The following DPYS variants were observed in gnomAD, a reference collection of about 807,000 sequenced individuals.
The protein encoded by DPYS is dihydropyrimidine amidohydrolase.
DPYS carries 39 observed loss-of-function variants against 50.3 expected under a neutral mutation model. The ratio of observed to expected loss-of-function variants is 0.78; its 90% CI spans 0.60 to 1.01. The LOEUF is 1.01. DPYS is among the 50% of genes least tolerant of loss of function. The probability of loss-of-function intolerance (pLI) is 0.00; values close to 1 mark genes in which losing one functional copy is unlikely to be tolerated. For missense variants in DPYS, 659 were observed against 680.9 expected (o/e 0.97, Z 0.36); for synonymous variants, 245 against 250.7 (o/e 0.98, Z 0.22).
intron 7 of DPYS, among the ~76,000 whole-genome samples, chr8:104,399,663 A>G (rs1811722925): frequency 6.6e-6 from 1 of 151,650 alleles, no homozygotes; most frequent in Admixed American, 6.6e-5. Context: ...AGATCAGGAG[A>G]TTGAGACCAT....
In DPYS at chr8:104,403,259, G is replaced by A. The variant is rs146857100; in HGVS notation, c.1236-10268C>T. Reference sequence around the variant, plus strand: ...GGTATTCCTGCACAGCTGAGTGCCCGGGTTCACCCTAATCAAGCTGAACAC... The same window carrying A: ...GGTATTCCTGCACAGCTGAGTGCCCAGGTTCACCCTAATCAAGCTGAACAC... On this transcript the variant is annotated intron_variant, in intron 7 of 9. Transcript: ENST00000351513. 2.5e-3 allele frequency among the ~76,000 whole-genome samples: 384 copies of A among 152,222 alleles called. 1 individual carries two copies. The highest frequency in any genetic ancestry group is 8.7e-3 in the African/African-American group (362 of 41,546).
intron 7 of DPYS, among the ~76,000 whole-genome samples, chr8:104,399,360 C>G (rs1307658804): frequency 6.7e-6 from 1 of 148,868 alleles, no homozygotes; most frequent in Non-Finnish European, 1.5e-5. Context: ...CTAAGATATT[C>G]AGCCAATGGA....
intron 4 of DPYS, among the ~76,000 whole-genome samples, chr8:104,433,266 T>C (rs751964840): frequency 2.6e-5 from 4 of 152,160 alleles, no homozygotes; most frequent in South Asian, 2.1e-4. Context: ...ACGGCAGCCA[T>C]AGAAAATTCA....
intron 1 of DPYS, among the ~76,000 whole-genome samples, chr8:104,452,506 A>T (rs1813780281): frequency 6.6e-6 from 1 of 152,168 alleles, no homozygotes; most frequent in Non-Finnish European, 1.5e-5. Context: ...AATTGTACCT[A>T]AACCATAGGC....
At chr8:104,416,894 G>A (rs974451677) in intron 7 of DPYS, among the ~76,000 whole-genome samples, 1 of 151,994 alleles carries the variant, frequency 6.6e-6, no homozygotes, top group African/African-American at 2.4e-5. Flanking sequence ...TACTACCCAA[G>A]GATGACAGTC....
rs1812790642 is a variant in DPYS, at chr8:104,427,974, A to G, written c.1092+6T>C. The G allele has an allele frequency of 6.2e-7, 1 of 1,613,856 alleles. No individual in the cohort carries two copies. Among genetic ancestry groups the G allele is most frequent in the Admixed American group, 1.7e-5 (1 of 59,980 alleles). On this transcript the variant is annotated splice_donor_region_variant and intron_variant, in intron 6 of 9. Coordinates refer to ENST00000351513, the MANE Select transcript of DPYS (RefSeq NM_001385.3). ...GCAAAGCAAGGCTGGAACCTGTGAA[A>G]CCCACCACGCCTTTTTCCCATATTA... is the stretch of plus-strand genomic sequence containing the variant.
intron 1 of DPYS, among the ~76,000 whole-genome samples, chr8:104,457,721 T>C (rs1484280092): frequency 6.6e-6 from 1 of 152,224 alleles, no homozygotes. Context: ...ACAAGTTTCA[T>C]GGTCCCAACG....
intron 8 of DPYS, among the ~76,000 whole-genome samples, chr8:104,391,362 C>T (rs887332736): frequency 2.0e-5 from 3 of 152,168 alleles, no homozygotes; most frequent in African/African-American, 7.2e-5. Flanking sequence ...GTGGCAAACA[C>T]TACCATCTAC....
chr8:104,387,337 C>G (rs1588396210), intron 8 of DPYS, among the ~76,000 whole-genome samples: 1 of 151,666 alleles, frequency 6.6e-6, no homozygotes, highest in East Asian at 1.9e-4. Flanking sequence ...GATTTTGAAG[C>G]AATAAATAAA....
In DPYS at chr8:104,451,319, C is replaced by T. The variant is rs371567511; in HGVS notation, c.350G>A (p.Trp117Ter). The change falls in exon 2 of 10, where the codon TGG (tryptophan) becomes TAG (stop). Residue 117 changes from tryptophan to a stop codon, truncating the protein, a stop_gained. Transcript: ENST00000351513. LOFTEE classifies it high-confidence loss of function. ...AACTTTGGGATCAGCCCAGCTTCGC[C>T]AGGTCTCGAAGGCCTCAATGAGGGA... ...GGSLIEAFET[W>*]RSWADPKVCC... is the part of the protein sequence containing the mutation. 144 of 1,614,058 alleles carry T rather than the reference C, an allele frequency of 8.9e-5. No individual in the cohort carries two copies. The highest frequency in any genetic ancestry group is 1.1e-4 in the Non-Finnish European group (134 of 1,180,030).
chr8:104,427,610 C>A (rs1396820426), intron 6 of DPYS, among the ~76,000 whole-genome samples: 2 of 151,804 alleles, frequency 1.3e-5, no homozygotes, highest in Non-Finnish European at 2.9e-5. Flanking sequence ...TTCAAGCATT[C>A]GTGCCAATGA....
At chr8:104,415,240 C>T (rs1812325187) in intron 7 of DPYS, among the ~76,000 whole-genome samples, 1 of 152,186 alleles carries the variant, frequency 6.6e-6, no homozygotes, top group African/African-American at 2.4e-5. Flanking sequence ...AAGAAAAATA[C>T]AGCAGGTGCT....
intron 1 of DPYS, among the ~76,000 whole-genome samples, chr8:104,465,364 G>A (rs1186157376): frequency 6.6e-6 from 1 of 152,128 alleles, no homozygotes; most frequent in East Asian, 1.9e-4. Flanking sequence ...GGACTTAATA[G>A]CCCAACTTGT....
At position 104,447,349 on chromosome 8, in the gene DPYS, G is replaced by T. The variant is rs747956282; in HGVS notation, c.578C>A (p.Ala193Glu). The T allele has an allele frequency of 1.2e-6, 2 of 1,613,890 alleles. No individual in the cohort carries two copies. The highest frequency in any genetic ancestry group is 2.2e-5 in the East Asian group (1 of 44,852). ...KEIGAIAQVH[A>E]ENGDLIAEGA... ...CTCTGCAATTAAGTCTCCATTTTCC[G>T]CATGGACCTGGGCAATTGCTCCAAT... is the stretch of plus-strand genomic sequence containing the variant. The change falls in exon 3 of 10, where the codon GCG becomes GAG. Residue 193 changes from alanine (A) to glutamate (E), a missense_variant. By Grantham distance (107) the Ala-to-Glu change is moderately radical. Transcript: ENST00000351513.
chr8:104,412,502 C>T (rs796352137), intron 7 of DPYS, among the ~76,000 whole-genome samples: 43 of 152,256 alleles, frequency 2.8e-4, no homozygotes, highest in African/African-American at 9.1e-4. Flanking sequence ...TGATGAAATA[C>T]GTGCAGACTC....
chr8:104,447,648 T>A, intron 2 of DPYS, 145 bp from the exon 3 acceptor site: 1 of 930,002 alleles, frequency 1.1e-6, no homozygotes, highest in Non-Finnish European at 1.7e-6. Context: ...AAAATGCAAT[T>A]AAGGCCTTGA....
chr8:104,455,470 C>T (rs192726133), intron 1 of DPYS, among the ~76,000 whole-genome samples: 28 of 152,222 alleles, frequency 1.8e-4, no homozygotes, highest in Middle Eastern at 3.4e-3. Context: ...CGATGGCAGG[C>T]GAGTGGACAG....
Position 104,392,943 on chromosome 8 carries a change from GA to G in DPYS, c.1283del (p.Phe428SerfsTer12). 6.2e-7 allele frequency: 1 copy of G among 1,614,158 alleles called. No individual in the cohort carries two copies. Among genetic ancestry groups the G allele is most frequent in the Non-Finnish European group, 8.5e-7 (1 of 1,180,016 alleles). On this transcript the variant is annotated frameshift_variant, in exon 8 of 10. Transcript: ENST00000351513. LOFTEE classifies it high-confidence loss of function. Reference sequence around the variant, plus strand: ...GCACCCCGTGGCAAACCATGCCCTCGAAAATGTTGAAGTTAACAGCCTGATG... The same window carrying G: ...GCACCCCGTGGCAAACCATGCCCTCGAAATGTTGAAGTTAACAGCCTGATG... ...THHQAVNFNI[F>X]EGMVCHGVPL... is the part of the protein sequence containing the mutation.
At chr8:104,457,518 C>A (rs533807222) in intron 1 of DPYS, among the ~76,000 whole-genome samples, 4 of 152,182 alleles carry the variant, frequency 2.6e-5, no homozygotes, top group Non-Finnish European at 5.9e-5. Flanking sequence ...GCATTTTCTT[C>A]CCTTTTATGG....
Sources: allele counts gnomAD v4.1 joint callset (sites outside exome capture counted in the v4.1 genomes callset), GRCh38; gene constraint gnomAD v4.1.1; transcripts MANE v1.5; gene names NCBI Gene and HGNC (gene_info 2026-07-23, HGNC 2026-07-21).